The following SYT1 variants were observed in gnomAD, a reference collection of about 807,000 sequenced individuals.
SYT1 encodes the protein synaptotagmin-1.
SYT1 carries 8 observed loss-of-function variants against 44.8 expected under a neutral mutation model. That is an observed-to-expected ratio of 0.18 (90% CI 0.10 to 0.32). The LOEUF (loss-of-function observed/expected upper bound fraction) is 0.32, where lower values mean the gene tolerates loss of function less well. SYT1 is among the 10% of genes least tolerant of loss of function. The pLI is 1.00. For synonymous variants in SYT1, 154 were observed against 188.8 expected, an observed-to-expected ratio of 0.82 and a Z score of 1.51; for missense variants, 286 against 509.3, an observed-to-expected ratio of 0.56 and a Z score of 4.22.
rs189575053 is a variant in SYT1 at position 79,046,816 on chromosome 12, A to G, written c.-83-481A>G. Among the ~76,000 whole-genome samples the G allele has an allele frequency of 5.3e-5, 8 of 152,122 alleles. No individual in the cohort carries two copies. The East Asian group carries it at 1.5e-3, about 29-fold the overall frequency. On this transcript the variant is annotated intron_variant, in intron 2 of 10. Transcript: ENST00000261205. The stretch of plus-strand genomic sequence containing the variant: ...GATTAGCTTCTGAAAATAGGCAAAT[A>G]TGTATAACATATTGAGGTGTTTCTA...
intron 1 of SYT1, among the ~76,000 whole-genome samples, chr12:78,929,680 A>G (rs1270280125): frequency 6.6e-6 from 1 of 152,068 alleles, no homozygotes; most frequent in Non-Finnish European, 1.5e-5. Flanking sequence ...ATCTAATCAT[A>G]TGACTTACTA....
chr12:78,951,115 A>G (rs938208035), intron 1 of SYT1, among the ~76,000 whole-genome samples: 2 of 152,116 alleles, frequency 1.3e-5, no homozygotes, highest in Admixed American at 6.6e-5. Flanking sequence ...GTCAAGTCCA[A>G]ACTCTCAGTA....
intron 1 of SYT1, chr12:78,868,606 A>G (rs1472039826): frequency 1.3e-5 from 2 of 151,862 alleles, no homozygotes; most frequent in African/African-American, 4.8e-5. Flanking sequence ...ATTTGTGTGT[A>G]TATATATTCC....
chr12:79,083,086 C>T (rs1877146109), intron 3 of SYT1, among the ~76,000 whole-genome samples: 1 of 150,856 alleles, frequency 6.6e-6, no homozygotes, highest in African/African-American at 2.4e-5. Flanking sequence ...ATTTAAAAAA[C>T]AAATAAATAA....
At chr12:79,026,157 T>C (rs1003679239) in intron 2 of SYT1, among the ~76,000 whole-genome samples, 9 of 151,678 alleles carry the variant, frequency 5.9e-5, no homozygotes, top group African/African-American at 2.2e-4. Flanking sequence ...CCTTTTATAA[T>C]TCTAAGTTAA....
At chr12:79,043,312 G>A (rs2137739469) in intron 2 of SYT1, among the ~76,000 whole-genome samples, 1 of 151,434 alleles carries the variant, frequency 6.6e-6, no homozygotes, top group South Asian at 2.1e-4. Flanking sequence ...GGGTCCTCCT[G>A]TATTGGGTGC....
At chr12:79,273,802 G>C (rs1442066861) in intron 4 of SYT1, among the ~76,000 whole-genome samples, 3 of 152,218 alleles carry the variant, frequency 2.0e-5, no homozygotes, top group Non-Finnish European at 1.5e-5. Context: ...ACTCCCAACT[G>C]TGGTGGGGCG....
At chr12:79,247,653 G>T (rs1483870350) in intron 4 of SYT1, among the ~76,000 whole-genome samples, 3 of 152,144 alleles carry the variant, frequency 2.0e-5, no homozygotes, top group Non-Finnish European at 4.4e-5. Flanking sequence ...CATTTAATGA[G>T]TGCCTGCTGT....
At chr12:78,898,660 A>C (rs749165263) in intron 1 of SYT1, among the ~76,000 whole-genome samples, 2 of 152,116 alleles carry the variant, frequency 1.3e-5, no homozygotes, top group Admixed American at 6.6e-5. Flanking sequence ...AGAATGGCAG[A>C]CAGCCAGCAG....
intron 5 of SYT1, among the ~76,000 whole-genome samples, chr12:79,289,774 AC>A (rs1275627927): frequency 6.6e-6 from 1 of 152,116 alleles, no homozygotes; most frequent in Non-Finnish European, 1.5e-5. Context: ...GAGGCAAATT[AC>A]CGAAGCTGCA....
intron 4 of SYT1, among the ~76,000 whole-genome samples, chr12:79,277,681 T>A (rs1878812850): frequency 6.6e-6 from 1 of 152,146 alleles, no homozygotes; most frequent in Admixed American, 6.6e-5. Flanking sequence ...TGACTTTGAA[T>A]GTAAATGTTC....
At chr12:79,038,164 A>AAT (rs150657645) in intron 2 of SYT1, among the ~76,000 whole-genome samples, 104 of 148,974 alleles carry the variant, frequency 7.0e-4, no homozygotes, top group African/African-American at 1.6e-3. Flanking sequence ...TGAATATATG[A>AAT]ATATATATAT....
intron 3 of SYT1, among the ~76,000 whole-genome samples, chr12:79,189,808 G>T (rs1230931921): frequency 6.6e-6 from 1 of 152,182 alleles, no homozygotes; most frequent in African/African-American, 2.4e-5. Context: ...GGAGGCTGAG[G>T]AAGGAGAATC....
Position 79,370,485 on chromosome 12 carries a change from G to A in SYT1, c.928+16866G>A, listed in dbSNP as rs1415887371. ...TTATCAGAAATACTGAGTTAGGGCC[G>A]GGCGCGGTGGCTCACTCCTGTAATC... is the stretch of plus-strand genomic sequence containing the variant. On this transcript the variant is annotated intron_variant, in intron 9 of 10. Transcript: ENST00000261205. 5.3e-5 allele frequency among the ~76,000 whole-genome samples: 8 copies of A among 152,268 alleles called. No homozygotes were observed. In the East Asian group the frequency reaches 1.5e-3, roughly 29 times the overall value.
chr12:78,979,392 T>C (rs1036425388), intron 2 of SYT1, among the ~76,000 whole-genome samples: 1 of 152,108 alleles, frequency 6.6e-6, no homozygotes, highest in Non-Finnish European at 1.5e-5. Flanking sequence ...CAAAAATACA[T>C]GTTCTGAGTT....
At chr12:79,441,255 G>A (rs531818427) in intron 9 of SYT1, among the ~76,000 whole-genome samples, 1 of 152,308 alleles carries the variant, frequency 6.6e-6, no homozygotes. Flanking sequence ...GTTTATAGCA[G>A]TTCCAAACCT....
chr12:79,072,349 A>G (rs1876341259), intron 3 of SYT1, among the ~76,000 whole-genome samples: 1 of 140,960 alleles, frequency 7.1e-6, no homozygotes, highest in Non-Finnish European at 1.7e-5. Flanking sequence ...GTATTAAATG[A>G]CATCCTGTTC....
intron 3 of SYT1, among the ~76,000 whole-genome samples, chr12:79,055,816 T>C (rs1252740038): frequency 2.0e-5 from 3 of 152,036 alleles, no homozygotes; most frequent in African/African-American, 7.2e-5. Flanking sequence ...AAAGGGGCAT[T>C]CTTTTCTTTC....
chr12:79,373,173 A>G (rs1883861119), intron 9 of SYT1, among the ~76,000 whole-genome samples: 1 of 152,200 alleles, frequency 6.6e-6, no homozygotes, highest in Non-Finnish European at 1.5e-5. Flanking sequence ...AAAAATGAAA[A>G]TGATTGGGGG....
Sources: allele counts gnomAD v4.1 joint callset (sites outside exome capture counted in the v4.1 genomes callset), GRCh38; gene constraint gnomAD v4.1.1; transcripts MANE v1.5; gene names NCBI Gene and HGNC (gene_info 2026-07-23, HGNC 2026-07-21).